The following CIMAP2 variants were observed in gnomAD, a reference collection of about 807,000 sequenced individuals.
CIMAP2 encodes ciliary microtubule associated protein 2.
At chr1:54,822,990 A>T in the CIMAP2 span, among the ~76,000 whole-genome samples, 1 of 152,206 alleles carries the variant, frequency 6.6e-6, no homozygotes, top group Non-Finnish European at 1.5e-5. Flanking sequence ...TCATGGCCTA[A>T]CATATGGTCT....
chr1:54,808,102 A>C, the CIMAP2 span: 1 of 1,389,386 alleles, frequency 7.2e-7, no homozygotes. Flanking sequence ...CCATCCAGCC[A>C]GCCAGCCAGG....
At chr1:54,809,640 C>G in the CIMAP2 span, among the ~76,000 whole-genome samples, 2 of 152,076 alleles carry the variant, frequency 1.3e-5, no homozygotes, top group Non-Finnish European at 2.9e-5. Context: ...TCCCAGGTGT[C>G]CAACATGTAC....
the CIMAP2 span, among the ~76,000 whole-genome samples, chr1:54,820,117 T>A: frequency 1.2e-4 from 1 of 8,004 alleles, no homozygotes; most frequent in African/African-American, 1.9e-4. Flanking sequence ...TCTCTCTCTT[T>A]CTTTCTTTCT....
the CIMAP2 span, among the ~76,000 whole-genome samples, chr1:54,836,872 TG>T: frequency 4.6e-5 from 7 of 151,726 alleles, 1 homozygote; most frequent in Admixed American, 3.3e-4. Flanking sequence ...TCAGGTGGGG[TG>T]GGATCAGCCG....
At chr1:54,813,722 C>T in the CIMAP2 span, 1 of 1,374,770 alleles carries the variant, frequency 7.3e-7, no homozygotes, top group Non-Finnish European at 9.8e-7. Context: ...TAAGTGATGC[C>T]CCATTGCTTT....
the CIMAP2 span, among the ~76,000 whole-genome samples, chr1:54,820,049 C>T: frequency 7.6e-6 from 1 of 132,250 alleles, no homozygotes; most frequent in African/African-American, 2.9e-5. Flanking sequence ...TCATTCCTTC[C>T]TTCTTCCCTC....
At chr1:54,826,551 A>G in the CIMAP2 span, among the ~76,000 whole-genome samples, 7 of 152,300 alleles carry the variant, frequency 4.6e-5, no homozygotes, top group Admixed American at 3.3e-4. Context: ...CTGCTTGGGT[A>G]TCAGGGGATC....
At chr1:54,813,606 C>T in the CIMAP2 span, among the ~76,000 whole-genome samples, 31 of 152,160 alleles carry the variant, frequency 2.0e-4, no homozygotes, top group Non-Finnish European at 5.9e-5. Context: ...AACCCCGCCC[C>T]GACCCGCTGG....
At chr1:54,808,066 C>G in the CIMAP2 span, 1 of 1,474,634 alleles carries the variant, frequency 6.8e-7, no homozygotes, top group Non-Finnish European at 9.0e-7. Context: ...ACACTGGGTG[C>G]CCAACAAATT....
the CIMAP2 span, chr1:54,808,033 G>A: frequency 3.9e-6 from 6 of 1,521,208 alleles, no homozygotes; most frequent in Non-Finnish European, 5.3e-6. Flanking sequence ...CATGTCTGGA[G>A]TCCCAAGCAG....
At chr1:54,807,127 C>G in the CIMAP2 span, 47 of 1,557,474 alleles carry the variant, frequency 3.0e-5, no homozygotes, top group African/African-American at 4.1e-5. Context: ...AGGGTCTGGC[C>G]ACTGCCCCTT....
chr1:54,833,296 C>A, the CIMAP2 span, among the ~76,000 whole-genome samples: 1 of 152,152 alleles, frequency 6.6e-6, no homozygotes, highest in Non-Finnish European at 1.5e-5. Flanking sequence ...GTGCGGGGAC[C>A]AGAAACACAT....
the CIMAP2 span, among the ~76,000 whole-genome samples, chr1:54,810,627 G>A: frequency 2.6e-5 from 4 of 152,226 alleles, no homozygotes; most frequent in Non-Finnish European, 5.9e-5. Context: ...GGGCATGGCT[G>A]AGCCATCTAT....
chr1:54,837,534 G>T, the CIMAP2 span, among the ~76,000 whole-genome samples: 5 of 152,258 alleles, frequency 3.3e-5, no homozygotes, highest in East Asian at 5.8e-4. Flanking sequence ...TGCACAGCAG[G>T]GTACTGCTGG....
At chr1:54,822,343 C>CA in the CIMAP2 span, among the ~76,000 whole-genome samples, 3 of 149,324 alleles carry the variant, frequency 2.0e-5, no homozygotes, top group African/African-American at 4.9e-5. Flanking sequence ...TTTATGTTTT[C>CA]AAAAAACCAA....
the CIMAP2 span, among the ~76,000 whole-genome samples, chr1:54,806,691 A>G: frequency 9.2e-6 from 1 of 108,684 alleles, no homozygotes; most frequent in Non-Finnish European, 1.7e-5. Flanking sequence ...GTACTCATGG[A>G]GTTTGCTCTC....
chr1:54,816,765 ACTTAAT>A, the CIMAP2 span, among the ~76,000 whole-genome samples: 2 of 152,192 alleles, frequency 1.3e-5, no homozygotes, highest in Non-Finnish European at 2.9e-5. Context: ...CTGCAGTATG[ACTTAAT>A]CTTAACTAAT....
the CIMAP2 span, among the ~76,000 whole-genome samples, chr1:54,828,237 A>C: frequency 6.6e-6 from 1 of 152,262 alleles, no homozygotes; most frequent in Non-Finnish European, 1.5e-5. Flanking sequence ...GAAGGCAAAA[A>C]CAGGCAACAA....
chr1:54,811,766 C>CCGGGGGGGGGGGGGGG, the CIMAP2 span: 22 of 1,305,180 alleles, frequency 1.7e-5, no homozygotes, highest in East Asian at 2.5e-5. Flanking sequence ...GTTCTGACAG[C>CCGGGGGGGGGGGGGGG]CTCCATGCCC....
Sources: allele counts gnomAD v4.1 joint callset (sites outside exome capture counted in the v4.1 genomes callset), GRCh38; gene constraint gnomAD v4.1.1; transcripts MANE v1.5; gene names NCBI Gene and HGNC (gene_info 2026-07-23, HGNC 2026-07-21).